The following FGF13 variants were observed in gnomAD, a reference collection of about 807,000 sequenced individuals.
The protein encoded by FGF13 is fibroblast growth factor homologous factor 2.
A neutral mutation model predicts 19.5 loss-of-function variants in FGF13; 2 were observed. The ratio of observed to expected loss-of-function variants is 0.10; its 90% CI spans 0.04 to 0.32. FGF13 has a LOEUF of 0.32. Ranked by LOEUF, FGF13 falls within the 10% of genes least tolerant of loss-of-function variation. The pLI, the probability that FGF13 is intolerant of heterozygous loss-of-function variation, is 1.00. For missense variants in FGF13, 113 were observed against 192.7 expected, an observed-to-expected ratio of 0.59 and a Z score of 2.45; for synonymous variants, 72 against 76.9, an observed-to-expected ratio of 0.94 and a Z score of 0.33.
chrX:139,103,329 G>A (rs1171686247), intron 1 of FGF13, among the ~76,000 whole-genome samples: 1 of 112,267 alleles, frequency 8.9e-6, no homozygotes, highest in Admixed American at 9.4e-5. Context: ...CCATACAATG[G>A]AATATTATTC....
chrX:138,819,213 C>T (rs2090982482), intron 3 of FGF13, among the ~76,000 whole-genome samples: 1 of 111,035 alleles, frequency 9.0e-6, no homozygotes, highest in South Asian at 3.8e-4. Context: ...ATATCCTTTT[C>T]TGTAAATTAA....
chrX:138,786,618 C>T (rs940263679), intron 3 of FGF13, among the ~76,000 whole-genome samples: 2 of 111,573 alleles, frequency 1.8e-5, no homozygotes, highest in African/African-American at 6.5e-5. Flanking sequence ...CTCTTTACTT[C>T]ACCTCCTACT....
intron 1 of FGF13, among the ~76,000 whole-genome samples, chrX:138,955,379 TAC>T (rs1307140300): frequency 2.7e-5 from 3 of 112,372 alleles, no homozygotes; most frequent in African/African-American, 9.7e-5. Flanking sequence ...ACATTCAGAA[TAC>T]AGAGTCTTCT....
chrX:138,768,084 A>T (rs2090515065), intron 3 of FGF13, among the ~76,000 whole-genome samples: 1 of 112,032 alleles, frequency 8.9e-6, no homozygotes, highest in Admixed American at 9.5e-5. Context: ...CTTTTTGATC[A>T]CTACTGTCAT....
intron 1 of FGF13, among the ~76,000 whole-genome samples, chrX:138,935,081 G>T (rs2091724724): frequency 9.0e-6 from 1 of 111,239 alleles, no homozygotes; most frequent in African/African-American, 3.3e-5. Flanking sequence ...TGGTAAAGAT[G>T]AGTGGTCCTC....
intron 1 of FGF13, among the ~76,000 whole-genome samples, chrX:138,959,381 A>T (rs2091857907): frequency 1.8e-5 from 2 of 111,999 alleles, no homozygotes; most frequent in South Asian, 7.5e-4. Flanking sequence ...CTAGGATCTG[A>T]GAGACAGTTT....
At chrX:138,769,413 T>A (rs1269046001) in intron 3 of FGF13, among the ~76,000 whole-genome samples, 1 of 111,939 alleles carries the variant, frequency 8.9e-6, no homozygotes, top group Non-Finnish European at 1.9e-5. Context: ...AGTATTGTTA[T>A]AAATGAGTTG....
At chrX:138,697,511 A>G (rs1001379967) in intron 3 of FGF13, among the ~76,000 whole-genome samples, 7 of 109,384 alleles carry the variant, frequency 6.4e-5, no homozygotes, top group Non-Finnish European at 1.1e-4. Context: ...GTGACAGTAA[A>G]ATCACTCCTA....
intron 3 of FGF13, among the ~76,000 whole-genome samples, chrX:138,764,741 T>G (rs184925227): frequency 6.1e-4 from 69 of 112,236 alleles, no homozygotes; most frequent in African/African-American, 2.1e-3. Flanking sequence ...TGTCTAGCAC[T>G]TCACAGAAAA....
chrX:139,161,550 G>C (rs768768086), intron 1 of FGF13, among the ~76,000 whole-genome samples: 1 of 111,182 alleles, frequency 9.0e-6, no homozygotes, highest in Non-Finnish European at 1.9e-5. Context: ...GTCTGGCCAC[G>C]GCACTCAGGC....
At chrX:138,903,373 C>T (rs1311192695) in intron 1 of FGF13, among the ~76,000 whole-genome samples, 1 of 111,669 alleles carries the variant, frequency 9.0e-6, no homozygotes, top group African/African-American at 3.3e-5. Context: ...ATCTCTACCA[C>T]ATTGCAGGTC....
At chrX:138,852,332 G>C (rs1245521426) in intron 3 of FGF13, among the ~76,000 whole-genome samples, 2 of 111,580 alleles carry the variant, frequency 1.8e-5, no homozygotes, top group African/African-American at 6.5e-5. Context: ...TAACGGTACA[G>C]CATGGTACTG....
chrX:138,739,352 T>C lies in FGF13; in HGVS notation c.-83A>G, dbSNP rs775470304. 1.0e-5 allele frequency: 11 copies of C among 1,049,397 alleles called. No homozygotes were observed. The Admixed American group carries it at 2.5e-4, about 24-fold the overall frequency. The allele number at this position is 1,049,397 out of a possible 1,213,427, so 86.5% of individuals were successfully genotyped here. On this transcript the variant is annotated 5_prime_UTR_variant, in exon 1 of 5. Transcript: ENST00000305414. ...AGAGAGAGAGGAGATCAGAGAAAGT[T>C]TAAGGCATATCTAAAGTATTCTCCA...
At chrX:139,003,159 T>C (rs776055713) in intron 1 of FGF13, among the ~76,000 whole-genome samples, 2 of 111,340 alleles carry the variant, frequency 1.8e-5, no homozygotes, top group Admixed American at 1.9e-4. Context: ...CTTCTGATGT[T>C]CATATGTGTT....
At chrX:138,871,182 T>C (rs1432168950) in intron 1 of FGF13, among the ~76,000 whole-genome samples, 1 of 112,479 alleles carries the variant, frequency 8.9e-6, no homozygotes, top group Non-Finnish European at 1.9e-5. Flanking sequence ...CCAAATATTG[T>C]ATGCAGAATT....
intron 1 of FGF13, among the ~76,000 whole-genome samples, chrX:138,961,993 T>C (rs757786073): frequency 1.3e-3 from 143 of 111,476 alleles, no homozygotes; most frequent in Non-Finnish European, 2.3e-3. Flanking sequence ...AATTGACAAA[T>C]GGGATCTAAT....
At chrX:138,759,195 T>C (rs753288953) in intron 3 of FGF13, among the ~76,000 whole-genome samples, 2 of 112,350 alleles carry the variant, frequency 1.8e-5, no homozygotes, top group African/African-American at 3.2e-5. Flanking sequence ...TGGGATGGCA[T>C]CACGTATCTG....
chrX:138,791,632 G>T (rs2090743447), intron 3 of FGF13, among the ~76,000 whole-genome samples: 1 of 112,040 alleles, frequency 8.9e-6, no homozygotes, highest in East Asian at 2.8e-4. Context: ...TCTCTCAGTG[G>T]CCTGAATGGT....
chrX:139,010,737 C>T (rs750554911), intron 1 of FGF13, among the ~76,000 whole-genome samples: 7 of 110,720 alleles, frequency 6.3e-5, no homozygotes, highest in Admixed American at 9.6e-5. Flanking sequence ...AAGGTCACAC[C>T]GCACAGAAGT....
Sources: gnomAD v4.1 joint callset for allele counts (sites outside exome capture counted in the v4.1 genomes callset) on GRCh38, gnomAD v4.1.1 for gene constraint, MANE v1.5 for transcripts, NCBI Gene and HGNC (gene_info 2026-07-23, HGNC 2026-07-21) for gene names.